Variants in NCAPD2 observed in about 807,000 individuals in gnomAD.
NCAPD2 encodes non-SMC condensin I complex subunit D2, also known as condensin complex subunit 1.
In NCAPD2, 100 loss-of-function variants were observed where a neutral mutation model predicts 164.5. That is an observed-to-expected ratio of 0.61 (90% CI 0.52 to 0.72). The LOEUF (loss-of-function observed/expected upper bound fraction) is 0.72, where lower values mean the gene tolerates loss of function less well. Among genes scored for constraint, NCAPD2 ranks in the 30% least tolerant of loss-of-function variants. NCAPD2 has a pLI of 0.00. For synonymous variants in NCAPD2, 585 were observed against 642.6 expected, an observed-to-expected ratio of 0.91 and a Z score of 1.36; for missense variants, 1,560 against 1,749.2, an observed-to-expected ratio of 0.89 and a Z score of 1.93.
At chr12:6,520,567 G>T (rs965614119) in intron 13 of NCAPD2, among the ~76,000 whole-genome samples, 1 of 152,154 alleles carries the variant, frequency 6.6e-6, no homozygotes, top group Non-Finnish European at 1.5e-5. Context: ...CTGGGCTCAC[G>T]TGTCCCCATT....
At position 6,526,351 on chromosome 12, in the gene NCAPD2, T is replaced by C; in HGVS notation, c.2546T>C (p.Leu849Pro). ...CAGGAACACAGGTTGTTTGAGCGAC[T>C]GCGGGAGACAGTCACAAAAGGTGAG... ...LPQEHRLFER[L>P]RETVTKGFVH... is the part of the protein sequence containing the mutation. The change falls in exon 20 of 32, where the codon CTG becomes CCG. Residue 849 changes from leucine (L) to proline (P), a missense_variant. Coordinates refer to ENST00000315579, the MANE Select transcript of NCAPD2 (RefSeq NM_014865.4). 1 of 1,614,164 alleles carries C rather than the reference T, an allele frequency of 6.2e-7. No homozygotes were observed. Among genetic ancestry groups the C allele is most frequent in the Non-Finnish European group, 8.5e-7 (1 of 1,180,030 alleles).
chr12:6,505,330 G>A (rs146620102), intron 2 of NCAPD2, among the ~76,000 whole-genome samples: 65 of 152,236 alleles, frequency 4.3e-4, no homozygotes, highest in Non-Finnish European at 3.1e-4. Flanking sequence ...TCTCCAAAGC[G>A]CTGGGATTTA....
chr12:6,499,291 A>T (rs1946012295), intron 2 of NCAPD2, among the ~76,000 whole-genome samples: 1 of 151,934 alleles, frequency 6.6e-6, no homozygotes, highest in Non-Finnish European at 1.5e-5. Context: ...AGCCCACTGC[A>T]ACCTTCACCT....
In NCAPD2 at chr12:6,517,861, C is replaced by T; in HGVS notation, c.1491C>T (p.Pro497=). ...KSTLQQLLQL[P]QGEEEIPEQI... ...CCCTGCAGCAGCTTCTACAGCTTCC[C>T]CAGGGAGAGGAGGAGATTCCTGAGC... Residue 497 remains proline (P), a synonymous_variant, in exon 13 of 32, where the codon CCC becomes CCT. Transcript: ENST00000315579. 1 of 1,614,086 alleles carries T rather than the reference C, an allele frequency of 6.2e-7. No individual in the cohort carries two copies. The highest frequency in any genetic ancestry group is 2.2e-5 in the East Asian group (1 of 44,880).
At chr12:6,512,766 A>G (rs753490046) in intron 6 of NCAPD2, among the ~76,000 whole-genome samples, 7 of 152,232 alleles carry the variant, frequency 4.6e-5, no homozygotes, top group East Asian at 3.8e-4. Context: ...GGCTGTTCCA[A>G]TAACTCAAGC....
intron 28 of NCAPD2, 38 bp from the exon 29 acceptor site, chr12:6,529,737 G>T (rs1412067178): frequency 1.9e-6 from 3 of 1,602,702 alleles, no homozygotes; most frequent in Non-Finnish European, 2.6e-6. Flanking sequence ...TTACTAGCTG[G>T]ATCTCCCAGT....
At chr12:6,513,860 C>T (rs1306213739) in intron 6 of NCAPD2, among the ~76,000 whole-genome samples, 12 of 151,612 alleles carry the variant, frequency 7.9e-5, no homozygotes, top group Admixed American at 5.9e-4. Context: ...GGATTACAGG[C>T]GCCCACCACC....
intron 2 of NCAPD2, among the ~76,000 whole-genome samples, chr12:6,506,315 C>T (rs900156280): frequency 6.6e-6 from 1 of 152,018 alleles, no homozygotes; most frequent in Non-Finnish European, 1.5e-5. Flanking sequence ...TGGCCGGGCA[C>T]GGTGGCTCAA....
At chr12:6,502,348 G>A (rs1473474329) in intron 2 of NCAPD2, among the ~76,000 whole-genome samples, 1 of 152,222 alleles carries the variant, frequency 6.6e-6, no homozygotes, top group Non-Finnish European at 1.5e-5. Flanking sequence ...AACTGAGAGT[G>A]AGTTTGGGAA....
At chr12:6,500,169 T>A (rs1338355895) in intron 2 of NCAPD2, among the ~76,000 whole-genome samples, 1 of 152,120 alleles carries the variant, frequency 6.6e-6, no homozygotes, top group Non-Finnish European at 1.5e-5. Context: ...CTTGTCCCTG[T>A]AATCCCAACC....
Position 6,530,777 on chromosome 12 carries a change from A to C in NCAPD2, c.3924A>C (p.Ala1308=). 6.2e-7 allele frequency: 1 copy of C among 1,614,246 alleles called. No homozygotes were observed. The highest frequency in any genetic ancestry group is 8.5e-7 in the Non-Finnish European group (1 of 1,180,046). ...TCAAGGAGCTTGAGATTGGCCAAGC[A>C]GGTAGCCAGAGAGCGCCATCAGCCA... The part of the protein sequence containing the change: ...DGIKELEIGQ[A]GSQRAPSAKK... The change falls in exon 30 of 32, where the codon GCA becomes GCC. Residue 1308 remains alanine (A), a synonymous_variant. Coordinates refer to ENST00000315579, the MANE Select transcript of NCAPD2 (RefSeq NM_014865.4).
chr12:6,516,746 G>A (rs1946204796), intron 9 of NCAPD2, 82 bp from the exon 10 acceptor site: 2 of 1,354,940 alleles, frequency 1.5e-6, no homozygotes. Context: ...TACCTAGGCA[G>A]TTAATGGAAA....
In NCAPD2 at chr12:6,531,049, T is replaced by C. The variant is rs1241576207; in HGVS notation, c.4093T>C (p.Phe1365Leu). ...RASKKKPKVV[F>L]SSDESSEEDL... Reference sequence around the variant, plus strand: ...TTCCAAAAAGAAACCCAAAGTTGTCTTCTCAAGTGATGAGTCCAGTGAGGA... The same window carrying C: ...TTCCAAAAAGAAACCCAAAGTTGTCCTCTCAAGTGATGAGTCCAGTGAGGA... Residue 1365 changes from phenylalanine to leucine, a missense_variant, in exon 31 of 32, where the codon TTC (phenylalanine) becomes CTC (leucine). Transcript: ENST00000315579. The surrounding 1 kb of genome is among the most constrained non-coding windows in gnomAD (Gnocchi z 4.1). The C allele has an allele frequency of 1.2e-6, 2 of 1,613,814 alleles. No individual in the cohort carries two copies. Among genetic ancestry groups the C allele is most frequent in the East Asian group, 4.5e-5 (2 of 44,886 alleles).
chr12:6,528,732 A>T lies in NCAPD2; in HGVS notation c.3353A>T (p.His1118Leu), dbSNP rs771079029. ...VRKTAGLVMT[H>L]LILKDMVKVK... ...AAAACAGCGGGGCTGGTGATGACCC[A>T]CCTGATCCTCAAGGACATGGTGAAG... The change falls in exon 26 of 32, where the codon CAC becomes CTC. Residue 1118 changes from histidine to leucine, a missense_variant. By Grantham distance (99) the His-to-Leu change is moderately conservative. Coordinates refer to ENST00000315579, the MANE Select transcript of NCAPD2 (RefSeq NM_014865.4). The surrounding 1 kb of genome is among the most constrained non-coding windows in gnomAD (Gnocchi z 5.1). The T allele has an allele frequency of 3.1e-6, 5 of 1,614,086 alleles. No individual in the cohort carries two copies. In the Admixed American group the frequency reaches 8.3e-5, roughly 27 times the overall value.
At chr12:6,514,134 A>T (rs1289571357) in intron 6 of NCAPD2, 131 bp from the exon 7 acceptor site, 1 of 1,266,384 alleles carries the variant, frequency 7.9e-7, no homozygotes. Flanking sequence ...GCAACTTGTT[A>T]TAGAAAGTAA....
At chr12:6,499,297 C>T (rs568697171) in intron 2 of NCAPD2, among the ~76,000 whole-genome samples, 86 of 152,174 alleles carry the variant, frequency 5.7e-4, no homozygotes, top group African/African-American at 2.0e-3. Flanking sequence ...CTGCAACCTT[C>T]ACCTCCTGGG....
In NCAPD2 at chr12:6,522,850, C is replaced by A. The variant is rs1229509033; in HGVS notation, c.1977C>A (p.Phe659Leu). The change falls in exon 16 of 32, where the codon TTC (phenylalanine) becomes TTA (leucine). Residue 659 changes from phenylalanine (F) to leucine (L), a missense_variant. Transcript: ENST00000315579. ...TTTVVQEVIEFFVMVFQFGVP... is the reference protein window; with the variant it reads ...TTTVVQEVIELFVMVFQFGVP... The stretch of plus-strand genomic sequence containing the variant: ...CAGTGGTGCAGGAGGTGATTGAATT[C>A]TTTGTGATGGTCTTCCAATTTGGGG... The A allele has an allele frequency of 3.7e-6, 6 of 1,613,928 alleles. No homozygotes were observed. In the East Asian group the frequency reaches 6.7e-5, roughly 18 times the overall value.
chr12:6,513,735 T>TTTTTGC (rs1343281456), intron 6 of NCAPD2, among the ~76,000 whole-genome samples: 1 of 92,820 alleles, frequency 1.1e-5, no homozygotes, highest in East Asian at 2.4e-4. Context: ...TTTTTTTTTG[T>TTTTTGC]GATGGAGTCT....
At chr12:6,511,072 C>T (rs1327462790) in intron 5 of NCAPD2, 38 bp from the exon 6 acceptor site, 6 of 1,602,936 alleles carry the variant, frequency 3.7e-6, no homozygotes, top group South Asian at 2.2e-5. Context: ...CACTTTTTTC[C>T]CTTATTTTTT....
Sources: allele counts gnomAD v4.1 joint callset (sites outside exome capture counted in the v4.1 genomes callset), GRCh38; gene constraint gnomAD v4.1.1; non-coding constraint Gnocchi (gnomAD v3.1); transcripts MANE v1.5; gene names NCBI Gene and HGNC (gene_info 2026-07-23, HGNC 2026-07-21).